The following SGK1 variants were observed in gnomAD, a reference collection of about 807,000 sequenced individuals.
SGK1 encodes serum/glucocorticoid regulated kinase 1.
In SGK1, 26 loss-of-function variants were observed where a neutral mutation model predicts 64.2. The observed-to-expected ratio is 0.40, with a 90% CI of 0.30 to 0.56. The LOEUF is 0.56. Ranked by LOEUF, SGK1 falls within the 20% of genes least tolerant of loss-of-function variation. The pLI is 0.38. For synonymous variants in SGK1, 265 were observed against 239.7 expected, an observed-to-expected ratio of 1.11 and a Z score of -0.98; for missense variants, 519 against 645.6, an observed-to-expected ratio of 0.80 and a Z score of 2.12.
At chr6:134,241,206 C>T (rs1038922822) in intron 2 of SGK1, among the ~76,000 whole-genome samples, 14 of 151,862 alleles carry the variant, frequency 9.2e-5, no homozygotes, top group Admixed American at 2.0e-4. Context: ...TCCACTACCA[C>T]ATCCGGCTAT....
chr6:134,300,632 G>GGT (rs1554228276), intron 1 of SGK1, among the ~76,000 whole-genome samples: 1 of 120,850 alleles, frequency 8.3e-6, no homozygotes, highest in Non-Finnish European at 1.7e-5. Flanking sequence ...TAAATGTTTG[G>GGT]TTTTTTTTTT....
intron 8 of SGK1, 38 bp downstream of exon 8, chr6:134,172,985 A>T: frequency 6.3e-7 from 1 of 1,586,750 alleles, no homozygotes; most frequent in African/African-American, 1.4e-5. Context: ...CAGGCTGTGC[A>T]GAGACACTAA....
chr6:134,308,505 C>T (rs1777567034), intron 1 of SGK1, among the ~76,000 whole-genome samples: 1 of 152,078 alleles, frequency 6.6e-6, no homozygotes, highest in African/African-American at 2.4e-5. Flanking sequence ...TTCCTTAAGC[C>T]ACTGGGTTAG....
intron 3 of SGK1, chr6:134,175,742 A>G (rs1368740647): frequency 7.4e-7 from 1 of 1,359,590 alleles, no homozygotes; most frequent in East Asian, 3.1e-5. Flanking sequence ...GCCGTGACTC[A>G]GGCCGGGCAA....
At position 134,174,008 on chromosome 6, in the gene SGK1, A is replaced by C; in HGVS notation, c.510T>G (p.Pro170=). ...CACGGCACATACAAAAACTTACTGG[A>C]GGAGAAGGGTTGGCATTCATAAGCT... The part of the protein sequence containing the change: ...EPELMNANPS[P]PPSPSQQINL... The change falls in exon 5 of 14, where the codon CCT becomes CCG. Residue 170 remains proline, a synonymous_variant. Coordinates refer to ENST00000367858, the MANE Select transcript of SGK1 (RefSeq NM_001143676.3). The C allele has an allele frequency of 6.2e-7, 1 of 1,611,068 alleles. No individual in the cohort carries two copies. Among genetic ancestry groups the C allele is most frequent in the Non-Finnish European group, 8.5e-7 (1 of 1,177,936 alleles).
chr6:134,311,584 G>A (rs1777609226), intron 1 of SGK1, among the ~76,000 whole-genome samples: 1 of 152,222 alleles, frequency 6.6e-6, no homozygotes, highest in Non-Finnish European at 1.5e-5. Context: ...CTAGGAGCCA[G>A]AGGTTGCAGT....
chr6:134,249,764 C>G (rs1037297365), intron 2 of SGK1, among the ~76,000 whole-genome samples: 13 of 152,292 alleles, frequency 8.5e-5, no homozygotes, highest in Non-Finnish European at 1.6e-4. Context: ...ATCCGTAACC[C>G]TGTTACATAG....
chr6:134,226,972 G>A (rs555357581), intron 2 of SGK1, among the ~76,000 whole-genome samples: 2 of 152,194 alleles, frequency 1.3e-5, no homozygotes, highest in Admixed American at 1.3e-4. Context: ...ACAGGTGGGA[G>A]CCACCTCACT....
At chr6:134,303,935 TAAAA>T (rs911604877) in intron 1 of SGK1, among the ~76,000 whole-genome samples, 2 of 152,224 alleles carry the variant, frequency 1.3e-5, no homozygotes, top group African/African-American at 4.8e-5. Flanking sequence ...TTTTGATTAA[TAAAA>T]TGCAGCAGAA....
At chr6:134,314,646 TGACA>T (rs1291034880) in intron 1 of SGK1, among the ~76,000 whole-genome samples, 1 of 152,210 alleles carries the variant, frequency 6.6e-6, no homozygotes, top group African/African-American at 2.4e-5. Context: ...AAATAGTGAC[TGACA>T]GACAGCTACA....
chr6:134,261,676 G>A, intron 2 of SGK1: 4 of 593,282 alleles, frequency 6.7e-6, no homozygotes, highest in Non-Finnish European at 1.2e-5. Context: ...ATACGTGCAT[G>A]GGGACAAGCG....
chr6:134,270,908 C>A (rs555292585), intron 1 of SGK1, among the ~76,000 whole-genome samples: 1 of 146,350 alleles, frequency 6.8e-6, no homozygotes, highest in African/African-American at 2.4e-5. Context: ...TCCACCCCAC[C>A]CTGTCCCACC....
At chr6:134,262,850 T>C (rs897472867) in intron 1 of SGK1, among the ~76,000 whole-genome samples, 9 of 151,940 alleles carry the variant, frequency 5.9e-5, no homozygotes, top group African/African-American at 2.2e-4. Flanking sequence ...GAGACCAGCC[T>C]GGGCAAAATA....
Position 134,213,139 on chromosome 6 carries a change from T to G in SGK1, c.286-5708A>C, listed in dbSNP as rs79350853. ...TTAAGCACAAGTTTATAGAAATCCT[T>G]GAACTATATATACTGCAACTGTTTA... On this transcript the variant is annotated intron_variant, in intron 2 of 13. Transcript: ENST00000367858. Among the ~76,000 whole-genome samples, 32 of 152,280 alleles carry G rather than the reference T, an allele frequency of 2.1e-4. 1 individual carries two copies. In the East Asian group the frequency reaches 5.8e-3, roughly 28 times the overall value.
chr6:134,213,890 T>A (rs1775934488), intron 2 of SGK1, among the ~76,000 whole-genome samples: 1 of 152,112 alleles, frequency 6.6e-6, no homozygotes, highest in South Asian at 2.1e-4. Context: ...TATGCAATTT[T>A]AAAATATTTT....
chr6:134,259,980 T>C (rs1763505), intron 2 of SGK1: 101,179 of 152,064 alleles, frequency 0.67, 33,962 homozygotes, highest in Non-Finnish European at 0.7. Flanking sequence ...TGAGCAATAA[T>C]GATTTATATT....
chr6:134,265,590 T>C (rs1398761042), intron 1 of SGK1, among the ~76,000 whole-genome samples: 1 of 145,368 alleles, frequency 6.9e-6, no homozygotes, highest in Non-Finnish European at 1.5e-5. Flanking sequence ...TATACATATA[T>C]ACATATACAT....
intron 2 of SGK1, among the ~76,000 whole-genome samples, chr6:134,211,690 TAAAAG>T (rs945921853): frequency 3.3e-5 from 5 of 151,306 alleles, no homozygotes; most frequent in African/African-American, 9.7e-5. Flanking sequence ...AAAAAGAAAA[TAAAAG>T]AAAGAAGAAG....
At chr6:134,196,651 T>C (rs1775598977) in intron 3 of SGK1, among the ~76,000 whole-genome samples, 2 of 152,142 alleles carry the variant, frequency 1.3e-5, no homozygotes. Context: ...CCAACTCTGA[T>C]GTGAGGTCAG....
Sources: gnomAD v4.1 joint callset for allele counts (sites outside exome capture counted in the v4.1 genomes callset) on GRCh38, gnomAD v4.1.1 for gene constraint, MANE v1.5 for transcripts, NCBI Gene and HGNC (gene_info 2026-07-23, HGNC 2026-07-21) for gene names.